The following GLMN variants were observed in gnomAD, a reference collection of about 807,000 sequenced individuals.
The protein encoded by GLMN is glomulin.
GLMN carries 75 observed loss-of-function variants against 87.8 expected under a neutral mutation model. The observed-to-expected ratio is 0.85, with a 90% confidence interval of 0.71 to 1.04. The LOEUF is 1.04. Among genes scored for constraint, GLMN ranks in the 50% least tolerant of loss-of-function variants. GLMN has a pLI of 0.00. For synonymous variants in GLMN, 206 were observed against 221.6 expected, an observed-to-expected ratio of 0.93 and a Z score of 0.63; for missense variants, 588 against 658.8, an observed-to-expected ratio of 0.89 and a Z score of 1.18.
At chr1:92,291,593 TGTG>T (rs1649419212) in intron 3 of GLMN, 56 bp from the exon 4 acceptor site, 1 of 1,564,716 alleles carries the variant, frequency 6.4e-7, no homozygotes, top group Non-Finnish European at 8.8e-7. Context: ...ACTCTCGCAG[TGTG>T]CTTTCCTATC....
the GLMN span, chr1:92,320,702 G>A: frequency 7.9e-7 from 1 of 1,259,878 alleles, no homozygotes; most frequent in South Asian, 1.3e-5. Context: ...GAGTGAACCA[G>A]GTGATATGAG....
At chr1:92,274,092 T>G (rs1444970311) in intron 7 of GLMN, among the ~76,000 whole-genome samples, 1 of 152,092 alleles carries the variant, frequency 6.6e-6, no homozygotes, top group Non-Finnish European at 1.5e-5. Flanking sequence ...ACAGAAGACA[T>G]CTCCTCATTT....
intron 7 of GLMN, among the ~76,000 whole-genome samples, chr1:92,281,346 G>T (rs1051775599): frequency 2.6e-5 from 4 of 152,186 alleles, no homozygotes; most frequent in Admixed American, 2.6e-4. Flanking sequence ...TTTCAACCCA[G>T]AATTTCATAT....
the GLMN span, chr1:92,320,699 C>CCCTG: frequency 7.5e-7 from 1 of 1,324,828 alleles, no homozygotes; most frequent in Non-Finnish European, 1.1e-6. Context: ...TAGGAGTGAA[C>CCCTG]CAGGTGATAT....
the GLMN span, among the ~76,000 whole-genome samples, chr1:92,324,960 G>A: frequency 6.6e-6 from 1 of 152,240 alleles, no homozygotes; most frequent in Middle Eastern, 3.4e-3. Flanking sequence ...TTCTTGGTCT[G>A]TTTGCTCATC....
intron 12 of GLMN, 90 bp from the exon 13 acceptor site, chr1:92,266,582 C>G (rs1052329762): frequency 9.9e-7 from 1 of 1,012,130 alleles, no homozygotes; most frequent in African/African-American, 1.6e-5. Flanking sequence ...AATACATCCA[C>G]ACTTGTACCT....
chr1:92,365,685 A>G, the GLMN span, among the ~76,000 whole-genome samples: 8 of 152,226 alleles, frequency 5.3e-5, no homozygotes, highest in African/African-American at 1.9e-4. Flanking sequence ...TGAATTAGAA[A>G]CAGCAAAACT....
At chr1:92,309,946 T>C in the GLMN span, among the ~76,000 whole-genome samples, 1 of 152,180 alleles carries the variant, frequency 6.6e-6, no homozygotes, top group Non-Finnish European at 1.5e-5. Flanking sequence ...CTGATATTGG[T>C]GTACAAAATG....
intron 11 of GLMN, among the ~76,000 whole-genome samples, chr1:92,267,198 A>G (rs994781686): frequency 3.9e-5 from 6 of 152,198 alleles, no homozygotes; most frequent in African/African-American, 1.4e-4. Flanking sequence ...CACAATGTGT[A>G]TTAGTCTTTC....
At chr1:92,261,366 A>G (rs1038251496) in intron 16 of GLMN, among the ~76,000 whole-genome samples, 17 of 152,232 alleles carry the variant, frequency 1.1e-4, no homozygotes, top group African/African-American at 3.9e-4. Context: ...AAGTTACCCC[A>G]GCACTTTGGG....
At chr1:92,323,812 C>CA in the GLMN span, 3 of 1,613,936 alleles carry the variant, frequency 1.9e-6, no homozygotes, top group South Asian at 2.2e-5. Flanking sequence ...AGTAAATACT[C>CA]AGAGTTCTTC....
chr1:92,327,309 C>T, the GLMN span, among the ~76,000 whole-genome samples: 5 of 152,072 alleles, frequency 3.3e-5, no homozygotes, highest in African/African-American at 4.8e-5. Context: ...TCCTAGGTCT[C>T]GTAGTAACTG....
Position 92,264,534 on chromosome 1 carries a change from C to G in GLMN, c.1299+20G>C, listed in dbSNP as rs766416300. 1 of 1,171,468 alleles carries G rather than the reference C, an allele frequency of 8.5e-7. No homozygotes were observed. Among genetic ancestry groups the G allele is most frequent in the South Asian group, 1.2e-5 (1 of 81,780 alleles). The allele number at this position is 1,171,468 out of a possible 1,614,324, so 72.6% of individuals were successfully genotyped here. ...CCCTACGAAATAAATTGGTAATTGA[C>G]ACTTTGGCTATGTTCTTACCTTTAA... is the stretch of plus-strand genomic sequence containing the variant. On this transcript the variant is annotated intron_variant, in intron 14 of 18. Coordinates refer to ENST00000370360, the MANE Select transcript of GLMN (RefSeq NM_053274.3).
At chr1:92,326,256 A>T in the GLMN span, among the ~76,000 whole-genome samples, 225 of 152,254 alleles carry the variant, frequency 1.5e-3, no homozygotes, top group South Asian at 0.019. Context: ...TGTGATGATG[A>T]ATAAATTCAG....
the GLMN span, among the ~76,000 whole-genome samples, chr1:92,330,029 T>C: frequency 6.6e-6 from 1 of 152,002 alleles, no homozygotes; most frequent in African/African-American, 2.4e-5. Flanking sequence ...AGGAAAAAGG[T>C]AGGAGTGGAC....
the GLMN span, among the ~76,000 whole-genome samples, chr1:92,332,893 A>T: frequency 2.6e-5 from 4 of 152,218 alleles, no homozygotes; most frequent in Non-Finnish European, 5.9e-5. Flanking sequence ...TAGCTCTCTG[A>T]TGCTAACAAA....
chr1:92,282,294 C>T (rs1378884695), intron 7 of GLMN, among the ~76,000 whole-genome samples: 1 of 152,200 alleles, frequency 6.6e-6, no homozygotes, highest in African/African-American at 2.4e-5. Context: ...ACAGTGCAAT[C>T]AAATTAGAAC....
Position 92,269,710 on chromosome 1 carries a change from T to C in GLMN, c.977+13A>G. The C allele has an allele frequency of 6.3e-7, 1 of 1,580,304 alleles. No homozygotes were observed. The highest frequency in any genetic ancestry group is 8.7e-7 in the Non-Finnish European group (1 of 1,149,360). ...TACTATTTCATTTTGAGATACCATC[T>C]AAACGATCTTACCTTTGCAAAAAGA... On this transcript the variant is annotated intron_variant, in intron 9 of 18. Transcript: ENST00000370360.
chr1:92,365,931 C>T, the GLMN span, among the ~76,000 whole-genome samples: 1 of 152,098 alleles, frequency 6.6e-6, no homozygotes, highest in South Asian at 2.1e-4. Flanking sequence ...TGAGCCTCAA[C>T]ATTTCCTGCA....
Sources: allele counts gnomAD v4.1 joint callset (sites outside exome capture counted in the v4.1 genomes callset), GRCh38; gene constraint gnomAD v4.1.1; transcripts MANE v1.5; gene names NCBI Gene and HGNC (gene_info 2026-07-23, HGNC 2026-07-21).